MAPK8: variants seen among roughly 807,000 people sequenced by gnomAD.
MAPK8 encodes mitogen-activated protein kinase 8.
In MAPK8, 13 loss-of-function variants were observed where a neutral mutation model predicts 52.9. The observed-to-expected ratio is 0.25, with a 90% CI of 0.16 to 0.39. The LOEUF (loss-of-function observed/expected upper bound fraction) is 0.39. MAPK8 is among the 10% of genes least tolerant of loss of function. MAPK8 has a pLI of 1.00. For missense variants in MAPK8, 300 were observed against 519.2 expected (o/e 0.58, Z 4.10); for synonymous variants, 191 against 169.8 (o/e 1.12, Z -0.97).
chr10:48,340,447 A>G (rs1262316188), intron 1 of MAPK8, among the ~76,000 whole-genome samples: 1 of 152,162 alleles, frequency 6.6e-6, no homozygotes, highest in African/African-American at 2.4e-5. Flanking sequence ...TATGTTCACT[A>G]TTTGTGTGAT....
intron 1 of MAPK8, among the ~76,000 whole-genome samples, chr10:48,355,276 G>A (rs891201550): frequency 3.9e-5 from 6 of 152,156 alleles, no homozygotes; most frequent in East Asian, 3.9e-4. Flanking sequence ...TTGGGAGGCC[G>A]AGGTGGGCGG....
At chr10:48,374,856 G>A (rs937526106) in intron 1 of MAPK8, among the ~76,000 whole-genome samples, 1 of 152,082 alleles carries the variant, frequency 6.6e-6, no homozygotes, top group African/African-American at 2.4e-5. Flanking sequence ...CCAAACAATA[G>A]AAAAAGAGGG....
intron 1 of MAPK8, among the ~76,000 whole-genome samples, chr10:48,326,454 A>T (rs1322858153): frequency 1.3e-5 from 2 of 151,866 alleles, no homozygotes; most frequent in African/African-American, 4.8e-5. Context: ...TATGTTTTCT[A>T]CCCTAGTCCT....
intron 1 of MAPK8, among the ~76,000 whole-genome samples, chr10:48,339,368 A>G (rs1845009479): frequency 6.6e-6 from 1 of 152,208 alleles, no homozygotes; most frequent in Non-Finnish European, 1.5e-5. Context: ...GGTGCTGGGA[A>G]AACTGGCTAG....
chr10:48,356,414 A>ATTCCCT (rs1846945477), intron 1 of MAPK8, among the ~76,000 whole-genome samples: 1 of 152,202 alleles, frequency 6.6e-6, no homozygotes, highest in Non-Finnish European at 1.5e-5. Flanking sequence ...AAAGGAGAAA[A>ATTCCCT]ACCCAGAAAC....
chr10:48,320,064 A>G (rs909375046), intron 1 of MAPK8, among the ~76,000 whole-genome samples: 4 of 151,610 alleles, frequency 2.6e-5, no homozygotes, highest in East Asian at 1.9e-4. Context: ...TTACAGGCGC[A>G]TGCCACCACT....
intron 1 of MAPK8, among the ~76,000 whole-genome samples, chr10:48,375,848 A>C (rs2040627504): frequency 6.6e-6 from 1 of 152,208 alleles, no homozygotes; most frequent in African/African-American, 2.4e-5. Context: ...TATCCCCATC[A>C]AAGTACCATT....
chr10:48,377,068 G>A (rs878898957), intron 1 of MAPK8, among the ~76,000 whole-genome samples: 1 of 152,126 alleles, frequency 6.6e-6, no homozygotes, highest in South Asian at 2.1e-4. Context: ...CCTTTGCAGG[G>A]ACATGGGTGA....
chr10:48,329,028 C>G (rs1843828493), intron 1 of MAPK8, among the ~76,000 whole-genome samples: 1 of 152,220 alleles, frequency 6.6e-6, no homozygotes, highest in South Asian at 2.1e-4. Context: ...TGTGCCAACA[C>G]TTACAAATAG....
At chr10:48,387,808 A>G (rs1413171418) in intron 1 of MAPK8, among the ~76,000 whole-genome samples, 1 of 152,180 alleles carries the variant, frequency 6.6e-6, no homozygotes, top group Non-Finnish European at 1.5e-5. Flanking sequence ...ACTAAATGTT[A>G]CATTATGATT....
intron 1 of MAPK8, among the ~76,000 whole-genome samples, chr10:48,367,414 T>C (rs1848152561): frequency 6.6e-6 from 1 of 150,874 alleles, no homozygotes; most frequent in Non-Finnish European, 1.5e-5. Context: ...CATATATATG[T>C]TTACATATAT....
chr10:48,373,258 A>G (rs2040435395), intron 1 of MAPK8, among the ~76,000 whole-genome samples: 2 of 152,128 alleles, frequency 1.3e-5, no homozygotes, highest in South Asian at 2.1e-4. Context: ...GAAAGGAACA[A>G]CTGGTACTAG....
chr10:48,322,747 G>T (rs571506536), intron 1 of MAPK8, among the ~76,000 whole-genome samples: 1 of 152,140 alleles, frequency 6.6e-6, no homozygotes, highest in Admixed American at 6.5e-5. Context: ...GGAATTGGCA[G>T]ATCCCTTCAG....
chr10:48,381,563 A>C (rs1401652226), intron 1 of MAPK8, among the ~76,000 whole-genome samples: 1 of 152,224 alleles, frequency 6.6e-6, no homozygotes, highest in African/African-American at 2.4e-5. Flanking sequence ...TTTGTAGACA[A>C]ATCATTTCAT....
intron 1 of MAPK8, among the ~76,000 whole-genome samples, chr10:48,348,868 G>A (rs578011063): frequency 6.6e-6 from 1 of 151,764 alleles, no homozygotes; most frequent in Non-Finnish European, 1.5e-5. Flanking sequence ...TTGGCTATAC[G>A]GGCTCTTTTT....
intron 3 of MAPK8, 49 bp from the exon 4 acceptor site, chr10:48,409,830 A>T: frequency 3.1e-6 from 4 of 1,273,960 alleles, no homozygotes; most frequent in Non-Finnish European, 4.5e-6. Context: ...CCAAATTAAA[A>T]TATTATGAAG....
intron 11 of MAPK8, among the ~76,000 whole-genome samples, chr10:48,433,190 C>A (rs190929119): frequency 6.6e-6 from 1 of 152,130 alleles, no homozygotes; most frequent in East Asian, 1.9e-4. Context: ...AAAGAGAAAA[C>A]AAGTGTGTGT....
intron 3 of MAPK8, among the ~76,000 whole-genome samples, chr10:48,406,911 C>CTG (rs1420868332): frequency 6.6e-6 from 1 of 152,236 alleles, no homozygotes; most frequent in East Asian, 1.9e-4. Flanking sequence ...CATCTCTTAA[C>CTG]TGTAGACATT....
chr10:48,350,897 C>T (rs1425164702), intron 1 of MAPK8, among the ~76,000 whole-genome samples: 1 of 152,120 alleles, frequency 6.6e-6, no homozygotes, highest in East Asian at 1.9e-4. Context: ...TCTCCTTAAG[C>T]TGATAAGCAA....
Sources: gnomAD v4.1 joint callset for allele counts (sites outside exome capture counted in the v4.1 genomes callset) on GRCh38, gnomAD v4.1.1 for gene constraint, MANE v1.5 for transcripts, NCBI Gene and HGNC (gene_info 2026-07-23, HGNC 2026-07-21) for gene names.